CMC1: variants seen among roughly 807,000 people sequenced by gnomAD.
CMC1 encodes the protein COX assembly mitochondrial protein homolog.
In CMC1, 14 loss-of-function variants were observed where a neutral mutation model predicts 14.1. The observed-to-expected ratio is 0.99, with a 90% CI of 0.66 to 1.55. The LOEUF is 1.55. Among genes scored for constraint, CMC1 ranks in the 40% most tolerant of loss-of-function variants. CMC1 has a pLI of 0.00. For synonymous variants in CMC1, 50 were observed against 38.4 expected (o/e 1.30, Z -1.12); for missense variants, 127 against 123.8 (o/e 1.03, Z -0.12).
At chr3:28,249,191 A>G (rs1421243446) in intron 1 of CMC1, among the ~76,000 whole-genome samples, 1 of 152,234 alleles carries the variant, frequency 6.6e-6, no homozygotes, top group African/African-American at 2.4e-5. Context: ...TTACTGGGAG[A>G]TTCTTACAGA....
intron 2 of CMC1, among the ~76,000 whole-genome samples, chr3:28,264,861 A>G (rs1488830513): frequency 6.6e-6 from 1 of 152,182 alleles, no homozygotes; most frequent in Non-Finnish European, 1.5e-5. Flanking sequence ...TTGTCTTTAT[A>G]CCTAGAATGA....
intron 2 of CMC1, among the ~76,000 whole-genome samples, chr3:28,285,245 G>A (rs1376830394): frequency 6.6e-6 from 1 of 152,136 alleles, no homozygotes; most frequent in Non-Finnish European, 1.5e-5. Context: ...AGCTAAGGAG[G>A]TACTGGTGAC....
intron 2 of CMC1, among the ~76,000 whole-genome samples, chr3:28,268,292 A>G (rs976513643): frequency 6.6e-6 from 1 of 152,186 alleles, no homozygotes; most frequent in African/African-American, 2.4e-5. Context: ...AACAAAGGGA[A>G]AAGGCATATG....
chr3:28,270,107 G>A (rs1700209180), intron 2 of CMC1, among the ~76,000 whole-genome samples: 1 of 152,138 alleles, frequency 6.6e-6, no homozygotes, highest in Non-Finnish European at 1.5e-5. Context: ...TTTTATGGCT[G>A]CATAGTATTC....
At chr3:28,265,229 A>G (rs1256615852) in intron 2 of CMC1, among the ~76,000 whole-genome samples, 2 of 152,096 alleles carry the variant, frequency 1.3e-5, no homozygotes, top group Non-Finnish European at 2.9e-5. Context: ...TAATTTGAAT[A>G]TCTTATAGAT....
At chr3:28,311,017 G>C (rs554224572) in intron 2 of CMC1, among the ~76,000 whole-genome samples, 1 of 152,206 alleles carries the variant, frequency 6.6e-6, no homozygotes, top group African/African-American at 2.4e-5. Flanking sequence ...TGTCCCGCCC[G>C]GTTCCTAACA....
At chr3:28,292,309 A>G (rs371854459) in intron 2 of CMC1, among the ~76,000 whole-genome samples, 5 of 152,170 alleles carry the variant, frequency 3.3e-5, no homozygotes, top group Non-Finnish European at 7.3e-5. Context: ...AGAGCTTACA[A>G]TATCTTGCAG....
chr3:28,286,379 T>C (rs888926622), intron 2 of CMC1, among the ~76,000 whole-genome samples: 15 of 152,208 alleles, frequency 9.9e-5, no homozygotes, highest in Non-Finnish European at 1.5e-4. Flanking sequence ...AGGGTTGTTA[T>C]TGAAATTGGA....
At chr3:28,278,375 A>G (rs1008393054) in intron 2 of CMC1, among the ~76,000 whole-genome samples, 3 of 152,202 alleles carry the variant, frequency 2.0e-5, no homozygotes, top group Non-Finnish European at 4.4e-5. Flanking sequence ...GTGTGAAACC[A>G]CTTTATCAGA....
At chr3:28,261,403 A>G (rs1346608980) in intron 1 of CMC1, among the ~76,000 whole-genome samples, 1 of 152,148 alleles carries the variant, frequency 6.6e-6, no homozygotes, top group Non-Finnish European at 1.5e-5. Context: ...CCAGGTAGAG[A>G]GGCCATTGGT....
rs538191339 is a variant in CMC1 at position 28,312,288 on chromosome 3, T to G, written c.110-4045T>G. ...TAAGTGCTGTGTCTAAAGACAGTTG[T>G]GAAAAAATTCATTTTAAAAATCAAA... On this transcript the variant is annotated intron_variant, in intron 2 of 3. Transcript: ENST00000466830. Among the ~76,000 whole-genome samples, 9 of 152,324 alleles carry G rather than the reference T, an allele frequency of 5.9e-5. No individual in the cohort carries two copies. The South Asian group carries it at 1.9e-3, about 32-fold the overall frequency.
intron 1 of CMC1, 31 bp downstream of exon 1, chr3:28,241,843 G>A: frequency 8.1e-7 from 1 of 1,236,354 alleles, no homozygotes; most frequent in Non-Finnish European, 1.0e-6. Flanking sequence ...GTTTGCCGAG[G>A]GGCCTCGCCC....
chr3:28,262,149 C>G (rs1699766481), intron 1 of CMC1, among the ~76,000 whole-genome samples: 2 of 152,094 alleles, frequency 1.3e-5, no homozygotes, highest in African/African-American at 4.8e-5. Context: ...TGCATCATGT[C>G]TTGCCAGTGA....
At chr3:28,256,696 A>G (rs892586194) in intron 1 of CMC1, among the ~76,000 whole-genome samples, 2 of 152,222 alleles carry the variant, frequency 1.3e-5, no homozygotes, top group African/African-American at 4.8e-5. Flanking sequence ...ATGCAAAGAT[A>G]AGGGAGGAGA....
At chr3:28,288,447 T>C (rs1701309038) in intron 2 of CMC1, among the ~76,000 whole-genome samples, 1 of 152,068 alleles carries the variant, frequency 6.6e-6, no homozygotes, top group Non-Finnish European at 1.5e-5. Flanking sequence ...CATTTTTACA[T>C]TGACTTATCC....
At chr3:28,300,619 C>CTCCATCCCTT (rs1701978389) in intron 2 of CMC1, among the ~76,000 whole-genome samples, 1 of 121,148 alleles carries the variant, frequency 8.3e-6, no homozygotes, top group Admixed American at 8.1e-5. Context: ...TCCTCCCTCC[C>CTCCATCCCTT]TCCCTCCCTC....
intron 2 of CMC1, among the ~76,000 whole-genome samples, chr3:28,269,027 TTAAC>T (rs1257071950): frequency 2.0e-5 from 3 of 152,328 alleles, no homozygotes; most frequent in Admixed American, 6.5e-5. Flanking sequence ...CCATATTCAC[TTAAC>T]TTTTATTGTT....
At chr3:28,292,980 A>C (rs1431700880) in intron 2 of CMC1, 1 of 152,208 alleles carries the variant, frequency 6.6e-6, no homozygotes, top group Non-Finnish European at 1.5e-5. Flanking sequence ...TTTTACCTTT[A>C]AACATTTTTT....
intron 1 of CMC1, among the ~76,000 whole-genome samples, chr3:28,252,537 A>G (rs1398071571): frequency 6.6e-6 from 1 of 152,244 alleles, no homozygotes; most frequent in East Asian, 1.9e-4. Flanking sequence ...AAGCAGAATC[A>G]GAATTCCCTT....
Sources: gnomAD v4.1 joint callset for allele counts (sites outside exome capture counted in the v4.1 genomes callset) on GRCh38, gnomAD v4.1.1 for gene constraint, MANE v1.5 for transcripts, NCBI Gene and HGNC (gene_info 2026-07-23, HGNC 2026-07-21) for gene names.